SAMD4A: variants seen among roughly 807,000 people sequenced by gnomAD.
The protein encoded by SAMD4A is protein Smaug homolog 1.
In SAMD4A, 33 loss-of-function variants were observed where a neutral mutation model predicts 81.3. The observed-to-expected ratio is 0.41, with a 90% CI of 0.31 to 0.54. The LOEUF (loss-of-function observed/expected upper bound fraction) is 0.54. Ranked by LOEUF, SAMD4A falls within the 20% of genes least tolerant of loss-of-function variation. SAMD4A has a pLI of 0.37. For missense variants in SAMD4A, 854 were observed against 951.1 expected (o/e 0.90, Z 1.34); for synonymous variants, 389 against 382.1 (o/e 1.02, Z -0.21).
intron 2 of SAMD4A, among the ~76,000 whole-genome samples, chr14:54,684,943 A>G (rs1287067054): frequency 6.6e-6 from 1 of 152,222 alleles, no homozygotes; most frequent in Non-Finnish European, 1.5e-5. Context: ...TCAAAGAGGC[A>G]TTAAGTGTAG....
At chr14:54,710,208 T>C (rs984887954) in intron 3 of SAMD4A, among the ~76,000 whole-genome samples, 1 of 152,192 alleles carries the variant, frequency 6.6e-6, no homozygotes, top group Non-Finnish European at 1.5e-5. Context: ...CATTGTGGAA[T>C]CTTAGTATTT....
intron 2 of SAMD4A, among the ~76,000 whole-genome samples, chr14:54,678,098 G>C (rs964939038): frequency 3.9e-5 from 6 of 152,204 alleles, no homozygotes; most frequent in African/African-American, 9.6e-5. Flanking sequence ...CTTCAGAAAA[G>C]AAGACCCAAA....
At position 54,790,693 on chromosome 14, in the gene SAMD4A, TG is replaced by T. The variant is rs2039244655; in HGVS notation, c.*1750del. On this transcript the variant is annotated 3_prime_UTR_variant, in exon 13 of 13. Transcript: ENST00000554335. Reference sequence around the variant, plus strand: ...CTGGTTGTGTGTGTGTGTGTGTGTGTGTGTGTGTGTGTGTGAAGTCAGAGTT... The same window carrying T: ...CTGGTTGTGTGTGTGTGTGTGTGTGTTGTGTGTGTGTGTGAAGTCAGAGTT... 6.6e-6 allele frequency: 1 copy of T among 151,938 alleles called. No homozygotes were observed. Among genetic ancestry groups the T allele is most frequent in the Admixed American group, 6.6e-5 (1 of 15,248 alleles). The allele number at this position is 151,938 out of a possible 1,614,324, so 9.4% of individuals were successfully genotyped here. A position where few individuals can be genotyped will look rare whatever the true frequency, so the allele number is the denominator to read the frequency against.
At chr14:54,635,406 C>G (rs1278752094) in intron 2 of SAMD4A, among the ~76,000 whole-genome samples, 1 of 150,590 alleles carries the variant, frequency 6.6e-6, no homozygotes, top group African/African-American at 2.5e-5. Context: ...GCCTGGACAA[C>G]AAGAATGAAA....
intron 2 of SAMD4A, among the ~76,000 whole-genome samples, chr14:54,669,167 C>T (rs931033691): frequency 2.0e-5 from 3 of 152,190 alleles, no homozygotes; most frequent in Non-Finnish European, 4.4e-5. Context: ...TCTCTGAACC[C>T]TTGACCCACA....
Position 54,658,720 on chromosome 14 carries a change from C to T in SAMD4A, c.197-43342C>T, listed in dbSNP as rs1176262414. Among the ~76,000 whole-genome samples, 6 of 152,234 alleles carry T rather than the reference C, an allele frequency of 3.9e-5. No individual in the cohort carries two copies. The East Asian group carries it at 9.6e-4, about 24-fold the overall frequency. On this transcript the variant is annotated intron_variant, in intron 2 of 12. Transcript: ENST00000554335. Reference sequence around the variant, plus strand: ...CTTGGAACTTCTCCGAATACCGTGTCCACTGAGTCTCCAAATGAGGGTCAT... The same window carrying T: ...CTTGGAACTTCTCCGAATACCGTGTTCACTGAGTCTCCAAATGAGGGTCAT...
intron 7 of SAMD4A, 134 bp downstream of exon 7, chr14:54,760,628 G>C (rs1295111946): frequency 6.0e-6 from 8 of 1,328,366 alleles, no homozygotes; most frequent in Non-Finnish European, 7.6e-6. Flanking sequence ...CTTACAGATA[G>C]GGAAAGTGCA....
At chr14:54,754,564 C>T (rs2038190404) in intron 6 of SAMD4A, among the ~76,000 whole-genome samples, 1 of 152,190 alleles carries the variant, frequency 6.6e-6, no homozygotes, top group East Asian at 1.9e-4. Context: ...TTCTCTGGAA[C>T]CCCTACCTCT....
chr14:54,756,828 G>A (rs2038252389), intron 6 of SAMD4A, among the ~76,000 whole-genome samples: 1 of 152,214 alleles, frequency 6.6e-6, no homozygotes, highest in African/African-American at 2.4e-5. Flanking sequence ...AGCCACATCA[G>A]GGCTGGTATA....
intron 2 of SAMD4A, among the ~76,000 whole-genome samples, chr14:54,615,869 C>T (rs1005812152): frequency 6.6e-5 from 10 of 151,940 alleles, no homozygotes; most frequent in South Asian, 6.2e-4. Flanking sequence ...TATTTTAATA[C>T]GTATAGGGAC....
chr14:54,776,339 A>G, intron 10 of SAMD4A, 75 bp from the exon 11 acceptor site: 2 of 1,498,016 alleles, frequency 1.3e-6, no homozygotes, highest in Non-Finnish European at 1.8e-6. Flanking sequence ...TTGCCTCCCA[A>G]ATTCTTGCTG....
chr14:54,699,779 A>C (rs2036666107), intron 2 of SAMD4A, among the ~76,000 whole-genome samples: 1 of 152,088 alleles, frequency 6.6e-6, no homozygotes, highest in South Asian at 2.1e-4. Context: ...AGATCGTCTC[A>C]CTCTGTTACT....
intron 3 of SAMD4A, among the ~76,000 whole-genome samples, chr14:54,723,991 T>TGGCTCAGCAAATATC (rs2037330389): frequency 7.4e-6 from 1 of 134,632 alleles, no homozygotes; most frequent in Non-Finnish European, 1.6e-5. Context: ...CAGCAAATAT[T>TGGCTCAGCAAATATC]GGATGGATGG....
chr14:54,748,484 T>C (rs150165105), intron 4 of SAMD4A, among the ~76,000 whole-genome samples: 1 of 152,308 alleles, frequency 6.6e-6, no homozygotes, highest in African/African-American at 2.4e-5. Context: ...ATAGAAGCTA[T>C]GGATGGCCCT....
intron 2 of SAMD4A, among the ~76,000 whole-genome samples, chr14:54,624,561 C>T (rs1453817136): frequency 1.3e-5 from 2 of 152,224 alleles, no homozygotes; most frequent in Non-Finnish European, 2.9e-5. Flanking sequence ...GATGTGCTGA[C>T]TGAAGTTTGG....
chr14:54,726,949 A>G (rs78051597), intron 3 of SAMD4A, among the ~76,000 whole-genome samples: 1,972 of 152,192 alleles, frequency 0.013, 43 homozygotes, highest in African/African-American at 0.044. Context: ...TGAACACTGA[A>G]TTATTGAATA....
At chr14:54,614,116 A>C (rs1366878357) in intron 2 of SAMD4A, among the ~76,000 whole-genome samples, 1 of 152,258 alleles carries the variant, frequency 6.6e-6, no homozygotes, top group Non-Finnish European at 1.5e-5. Flanking sequence ...TGAATGCAGA[A>C]GGAGATATGA....
At position 54,568,054 on chromosome 14, in the gene SAMD4A, G is replaced by A. The variant is rs779841401; in HGVS notation, c.138G>A (p.Glu46=). 14 of 1,594,868 alleles carry A rather than the reference G, an allele frequency of 8.8e-6. No individual in the cohort carries two copies. In the East Asian group the frequency reaches 2.5e-4, roughly 28 times the overall value. ...CCCGCTTCCTCCAGCTCTGCCTGGAGCACTCGCTGGCCGACTGCGCCGAGC... is the reference window on the plus strand; with the variant it reads ...CCCGCTTCCTCCAGCTCTGCCTGGAACACTCGCTGGCCGACTGCGCCGAGC... ...TQARFLQLCL[E]HSLADCAELH... is the part of the protein sequence containing the mutation. Residue 46 remains glutamate (E), a synonymous_variant, in exon 2 of 13, where the codon GAG becomes GAA. Transcript: ENST00000554335.
upstream of SAMD4A, among the ~76,000 whole-genome samples, chr14:54,565,736 G>C (rs1413960084): frequency 1.3e-5 from 2 of 152,056 alleles, no homozygotes; most frequent in Non-Finnish European, 2.9e-5. The surrounding 1 kb of genome is among the most constrained non-coding windows in gnomAD (Gnocchi z 5.4). Flanking sequence ...GCGCCCTCGG[G>C]TCCCTTTCTG....
Sources: gnomAD v4.1 joint callset for allele counts (sites outside exome capture counted in the v4.1 genomes callset) on GRCh38, gnomAD v4.1.1 for gene constraint, Gnocchi (gnomAD v3.1) non-coding constraint, MANE v1.5 for transcripts, NCBI Gene and HGNC (gene_info 2026-07-23, HGNC 2026-07-21) for gene names.